NFKB1: variants seen among roughly 807,000 people sequenced by gnomAD.
NFKB1 encodes nuclear factor NF-kappa-B p105 subunit.
A neutral mutation model predicts 105.1 loss-of-function variants in NFKB1; 9 were observed. The observed-to-expected ratio is 0.09, with a 90% CI of 0.05 to 0.15. The LOEUF (loss-of-function observed/expected upper bound fraction) is 0.15. Ranked by LOEUF, NFKB1 falls within the 10% of genes least tolerant of loss-of-function variation. The probability of loss-of-function intolerance (pLI) is 1.00; values close to 1 mark genes in which losing one functional copy is unlikely to be tolerated. For missense variants in NFKB1, 830 were observed against 1,203.7 expected, an observed-to-expected ratio of 0.69 and a Z score of 4.59; for synonymous variants, 440 against 442.2, an observed-to-expected ratio of 1.00 and a Z score of 0.06.
intron 5 of NFKB1, among the ~76,000 whole-genome samples, chr4:102,553,631 C>T (rs1722781027): frequency 6.6e-6 from 1 of 152,146 alleles, no homozygotes; most frequent in Admixed American, 6.5e-5. Context: ...TAAAATTTCT[C>T]AGTGTATCTT....
intron 11 of NFKB1, among the ~76,000 whole-genome samples, chr4:102,589,768 G>A (rs1424982248): frequency 1.3e-5 from 2 of 151,954 alleles, no homozygotes; most frequent in Non-Finnish European, 2.9e-5. Flanking sequence ...CTCATTGACT[G>A]TATTTAATTT....
chr4:102,532,252 A>G (rs2149121387), intron 3 of NFKB1, among the ~76,000 whole-genome samples: 1 of 152,232 alleles, frequency 6.6e-6, no homozygotes, highest in East Asian at 1.9e-4. Flanking sequence ...AAATTTCTTG[A>G]ATAATAACAG....
At chr4:102,577,120 C>T in intron 7 of NFKB1, 81 bp downstream of exon 7, 4 of 1,419,776 alleles carry the variant, frequency 2.8e-6, no homozygotes, top group Non-Finnish European at 3.8e-6. Flanking sequence ...TGTTCATCTG[C>T]ATCCCTTCCA....
At chr4:102,569,910 T>C (rs1256737863) in intron 6 of NFKB1, among the ~76,000 whole-genome samples, 1 of 152,170 alleles carries the variant, frequency 6.6e-6, no homozygotes, top group Non-Finnish European at 1.5e-5. Context: ...TTAAAATTCA[T>C]TTATATAATT....
chr4:102,523,297 A>T (rs1740685893), intron 1 of NFKB1, among the ~76,000 whole-genome samples: 1 of 152,136 alleles, frequency 6.6e-6, no homozygotes, highest in South Asian at 2.1e-4. Context: ...TTCAATCAAT[A>T]CTTTCTTGTT....
chr4:102,588,157 A>C (rs1341768330), intron 11 of NFKB1, among the ~76,000 whole-genome samples: 6 of 152,200 alleles, frequency 3.9e-5, no homozygotes, highest in African/African-American at 1.4e-4. Flanking sequence ...TGCATAGAAA[A>C]TGCTCATTAA....
At chr4:102,525,484 T>A (rs1355993814) in intron 1 of NFKB1, 28 bp from the exon 2 acceptor site, 2 of 1,605,978 alleles carry the variant, frequency 1.2e-6, no homozygotes, top group Admixed American at 3.4e-5. Context: ...AGTGTTACAG[T>A]TTTGTTTTGT....
At chr4:102,539,285 G>C (rs1436688553) in intron 5 of NFKB1, among the ~76,000 whole-genome samples, 2 of 148,960 alleles carry the variant, frequency 1.3e-5, no homozygotes, top group African/African-American at 2.5e-5. Context: ...GGTTTTGCCA[G>C]CCTTGCATTT....
chr4:102,580,163 A>G (rs925883303), intron 8 of NFKB1, among the ~76,000 whole-genome samples: 12 of 152,208 alleles, frequency 7.9e-5, no homozygotes, highest in Admixed American at 7.2e-4. Context: ...AAATAGAATA[A>G]TAGCAGAATC....
chr4:102,505,924 A>G (rs1739392297), intron 1 of NFKB1, among the ~76,000 whole-genome samples: 1 of 152,156 alleles, frequency 6.6e-6, no homozygotes, highest in African/African-American at 2.4e-5. Flanking sequence ...CAAAAATTAC[A>G]TTATTTTGCT....
intron 15 of NFKB1, among the ~76,000 whole-genome samples, chr4:102,599,067 A>G (rs1407181201): frequency 2.0e-5 from 3 of 152,256 alleles, no homozygotes; most frequent in Non-Finnish European, 4.4e-5. Context: ...CATAGAAAAT[A>G]TAATAAAGAA....
chr4:102,519,369 A>G (rs934205888), intron 1 of NFKB1, among the ~76,000 whole-genome samples: 7 of 147,908 alleles, frequency 4.7e-5, no homozygotes, highest in African/African-American at 1.7e-4. Context: ...ATATGTAAGT[A>G]TATGTATATA....
At chr4:102,612,198 C>G in intron 21 of NFKB1, 88 bp downstream of exon 21, 2 of 1,261,472 alleles carry the variant, frequency 1.6e-6, no homozygotes, top group Non-Finnish European at 2.3e-6. Context: ...CCAGGGTCTA[C>G]TGTTAAAAGT....
chr4:102,594,827 T>G, intron 12 of NFKB1, 65 bp from the exon 13 acceptor site: 4 of 1,169,056 alleles, frequency 3.4e-6, no homozygotes, highest in East Asian at 2.3e-5. Flanking sequence ...AGACAGACAC[T>G]AAGTTGTGCT....
At chr4:102,522,416 CTG>C (rs1740631755) in intron 1 of NFKB1, among the ~76,000 whole-genome samples, 1 of 152,120 alleles carries the variant, frequency 6.6e-6, no homozygotes, top group African/African-American at 2.4e-5. Flanking sequence ...GCTTTTGAAA[CTG>C]TGATCCTTTG....
At chr4:102,589,048 C>A (rs1045330049) in intron 11 of NFKB1, among the ~76,000 whole-genome samples, 2 of 152,110 alleles carry the variant, frequency 1.3e-5, no homozygotes, top group Non-Finnish European at 2.9e-5. Context: ...ACAGCAGGTT[C>A]TTTTATAAAG....
At chr4:102,571,782 T>C (rs896125179) in intron 6 of NFKB1, among the ~76,000 whole-genome samples, 1 of 152,132 alleles carries the variant, frequency 6.6e-6, no homozygotes, top group Non-Finnish European at 1.5e-5. Context: ...AAAACCACAA[T>C]GAGATACCAT....
chr4:102,533,689 A>T (rs1741448805), intron 3 of NFKB1, among the ~76,000 whole-genome samples, 156 bp from the exon 4 acceptor site: 1 of 152,224 alleles, frequency 6.6e-6, no homozygotes, highest in South Asian at 2.1e-4. Flanking sequence ...TCAGACAAGG[A>T]AGAGAAATTA....
At chr4:102,615,037 G>T (rs890553147) in intron 23 of NFKB1, among the ~76,000 whole-genome samples, 1 of 151,972 alleles carries the variant, frequency 6.6e-6, no homozygotes, top group Non-Finnish European at 1.5e-5. Flanking sequence ...ATTCTTGCAC[G>T]GCTCCTACTC....
Sources: allele counts gnomAD v4.1 joint callset (sites outside exome capture counted in the v4.1 genomes callset), GRCh38; gene constraint gnomAD v4.1.1; transcripts MANE v1.5; gene names NCBI Gene and HGNC (gene_info 2026-07-23, HGNC 2026-07-21).